PDS5A: variants seen among roughly 807,000 people sequenced by gnomAD.
PDS5A encodes the protein sister chromatid cohesion protein PDS5 homolog A.
In PDS5A, 42 loss-of-function variants were observed where a neutral mutation model predicts 167.1. The observed-to-expected ratio is 0.25, with a 90% CI of 0.20 to 0.33. The LOEUF is 0.33. Ranked by LOEUF, PDS5A falls within the 10% of genes least tolerant of loss-of-function variation. PDS5A has a pLI of 1.00. For synonymous variants in PDS5A, 553 were observed against 554.6 expected (o/e 1.00, Z 0.04); for missense variants, 1,033 against 1,605.9 (o/e 0.64, Z 6.10).
chr4:39,892,395 T>G (rs1000649033), intron 16 of PDS5A, among the ~76,000 whole-genome samples: 2 of 152,222 alleles, frequency 1.3e-5, no homozygotes, highest in Non-Finnish European at 2.9e-5. Flanking sequence ...TCTTCTTCCC[T>G]AAAGCATCTC....
intron 23 of PDS5A, among the ~76,000 whole-genome samples, 185 bp downstream of exon 23, chr4:39,866,676 A>C (rs1344013377): frequency 1.3e-5 from 2 of 152,236 alleles, no homozygotes; most frequent in Non-Finnish European, 2.9e-5. Flanking sequence ...GAATGAAGAA[A>C]AATATATTGG....
chr4:39,844,821 A>T lies in PDS5A; in HGVS notation c.3403-20T>A. The T allele has an allele frequency of 6.3e-7, 1 of 1,585,476 alleles. No individual in the cohort carries two copies. The highest frequency in any genetic ancestry group is 2.0e-5 in the Admixed American group (1 of 51,172). On this transcript the variant is annotated intron_variant, in intron 29 of 32. Coordinates refer to ENST00000303538, the MANE Select transcript of PDS5A (RefSeq NM_001100399.2). ...CTTTGGCTAAAAACAAAAACAAAAA[A>T]CCCCCCAAAAACACACACGTTTATA...
chr4:39,881,466 GAATT>G (rs1234827850), intron 17 of PDS5A, among the ~76,000 whole-genome samples: 2 of 150,164 alleles, frequency 1.3e-5, no homozygotes, highest in African/African-American at 4.9e-5. Flanking sequence ...TACATCACAA[GAATT>G]ATTTTAAAAT....
At chr4:39,913,094 T>C (rs905692520) in intron 9 of PDS5A, among the ~76,000 whole-genome samples, 12 of 151,898 alleles carry the variant, frequency 7.9e-5, no homozygotes, top group Non-Finnish European at 1.6e-4. Flanking sequence ...ACTTTCTTTT[T>C]TTTTTTTTTT....
chr4:39,900,710 T>C (rs1722805224), intron 13 of PDS5A, among the ~76,000 whole-genome samples: 2 of 152,154 alleles, frequency 1.3e-5, no homozygotes, highest in African/African-American at 4.8e-5. Context: ...GAGAAAATAT[T>C]TGAGAGGTTT....
At chr4:39,929,182 TGATTG>T (rs758093797) in intron 2 of PDS5A, among the ~76,000 whole-genome samples, 4 of 152,250 alleles carry the variant, frequency 2.6e-5, no homozygotes, top group Admixed American at 6.5e-5. Flanking sequence ...AGTGTCAACT[TGATTG>T]GATTGAAGGA....
intron 19 of PDS5A, 112 bp from the exon 20 acceptor site, chr4:39,874,524 C>A: frequency 1.2e-6 from 1 of 805,570 alleles, no homozygotes; most frequent in Non-Finnish European, 1.9e-6. Context: ...AGAAGGCTCT[C>A]TTAAAAATTA....
At position 39,865,530 on chromosome 4, in the gene PDS5A, A is replaced by T. The variant is rs575629683; in HGVS notation, c.2642+1331T>A. 7.0e-3 allele frequency among the ~76,000 whole-genome samples: 1,062 copies of T among 152,276 alleles called. 3 individuals carry two copies. Among genetic ancestry groups the T allele is most frequent in the South Asian group, 0.018 (85 of 4,830 alleles). ...CCCATTCCTAATCACAATAATTTTT[A>T]AAAAAATTAATAGCATAGCAGTACC... On this transcript the variant is annotated intron_variant, in intron 23 of 32. Coordinates refer to ENST00000303538, the MANE Select transcript of PDS5A (RefSeq NM_001100399.2).
chr4:39,918,651 C>G (rs967776639), intron 7 of PDS5A, among the ~76,000 whole-genome samples: 1 of 152,032 alleles, frequency 6.6e-6, no homozygotes, highest in African/African-American at 2.4e-5. Context: ...GTCAGGAGTT[C>G]AAGACCAGCC....
intron 2 of PDS5A, among the ~76,000 whole-genome samples, chr4:39,941,728 C>T (rs1034476000): frequency 1.3e-5 from 2 of 152,152 alleles, no homozygotes; most frequent in African/African-American, 4.8e-5. Flanking sequence ...CATTATTATG[C>T]CTTTTCATTG....
chr4:39,826,181 CGT>C (rs1393688309), intron 32 of PDS5A, among the ~76,000 whole-genome samples: 2 of 123,002 alleles, frequency 1.6e-5, no homozygotes, highest in Non-Finnish European at 1.8e-5. Context: ...ACCAAACTGG[CGT>C]GTTTTTTTTT....
intron 30 of PDS5A, among the ~76,000 whole-genome samples, chr4:39,844,147 C>T (rs1184059952): frequency 6.6e-6 from 1 of 151,156 alleles, no homozygotes; most frequent in Admixed American, 6.6e-5. Flanking sequence ...GAGACCCTGT[C>T]TCTTAAAAAA....
chr4:39,977,673 G>T lies in PDS5A; in HGVS notation c.-257C>A, dbSNP rs1400714147. 6.6e-6 allele frequency: 1 copy of T among 151,242 alleles called. No individual in the cohort carries two copies. The highest frequency in any genetic ancestry group is 1.5e-5 in the Non-Finnish European group (1 of 67,856). 9.4% of individuals were successfully genotyped at this position (151,242 alleles called of 1,614,324 possible). A position where few individuals can be genotyped will look rare whatever the true frequency, so the allele number is the denominator to read the frequency against. ...GCGGGGCGAGTGAGCGCTGGGCGGGGAGACAGTGCCGCTCTCCGTCTGGCC... is the reference window on the plus strand; with the variant it reads ...GCGGGGCGAGTGAGCGCTGGGCGGGTAGACAGTGCCGCTCTCCGTCTGGCC... On this transcript the variant is annotated 5_prime_UTR_variant, in exon 1 of 33. Transcript: ENST00000303538. The surrounding 1 kb of genome is among the most constrained non-coding windows in gnomAD (Gnocchi z 4.2).
chr4:39,833,752 C>T (rs770896221), intron 32 of PDS5A, among the ~76,000 whole-genome samples: 3 of 151,890 alleles, frequency 2.0e-5, no homozygotes, highest in Non-Finnish European at 4.4e-5. Flanking sequence ...CATCAATTTA[C>T]GGGGAAAAAA....
intron 14 of PDS5A, among the ~76,000 whole-genome samples, chr4:39,899,207 GAGA>G (rs1341759454): frequency 5.3e-5 from 8 of 152,174 alleles, no homozygotes; most frequent in African/African-American, 1.9e-4. Context: ...TAAAAATATA[GAGA>G]AGAAACTTTT....
intron 17 of PDS5A, among the ~76,000 whole-genome samples, chr4:39,888,202 C>T (rs916703109): frequency 1.5e-5 from 2 of 136,432 alleles, no homozygotes; most frequent in Non-Finnish European, 3.1e-5. Flanking sequence ...GCCAAGATGG[C>T]GCCACTGCAC....
At chr4:39,966,708 A>G (rs746382233) in intron 2 of PDS5A, among the ~76,000 whole-genome samples, 10 of 152,194 alleles carry the variant, frequency 6.6e-5, no homozygotes, top group Non-Finnish European at 1.3e-4. Flanking sequence ...TATAAGAAAC[A>G]AATTTCAGGC....
chr4:39,910,797 C>A (rs1239371763), intron 9 of PDS5A, among the ~76,000 whole-genome samples: 3 of 152,030 alleles, frequency 2.0e-5, no homozygotes, highest in African/African-American at 7.2e-5. Flanking sequence ...GAGTTTAAGA[C>A]CAGCCTTGAA....
In PDS5A at chr4:39,973,811, C is replaced by G. The variant is rs910937821; in HGVS notation, c.138+2629G>C. On this transcript the variant is annotated intron_variant, in intron 2 of 32. Transcript: ENST00000303538. Reference sequence around the variant, plus strand: ...GCACCTCCTTCAGGTTACTTCATGGCAGCTATTCCACAGACTCAGAACCGT... The same window carrying G: ...GCACCTCCTTCAGGTTACTTCATGGGAGCTATTCCACAGACTCAGAACCGT... 3.3e-6 allele frequency: 4 copies of G among 1,212,078 alleles called. No homozygotes were observed. The Middle Eastern group carries it at 5.7e-4, about 173-fold the overall frequency. The allele number at this position is 1,212,078 out of a possible 1,614,324, so 75.1% of individuals were successfully genotyped here. A position where few individuals can be genotyped will look rare whatever the true frequency, so the allele number is the denominator to read the frequency against.
Sources: allele counts gnomAD v4.1 joint callset (sites outside exome capture counted in the v4.1 genomes callset), GRCh38; gene constraint gnomAD v4.1.1; non-coding constraint Gnocchi (gnomAD v3.1); transcripts MANE v1.5; gene names NCBI Gene and HGNC (gene_info 2026-07-23, HGNC 2026-07-21).